The following TPCN1 variants were observed in gnomAD, a reference collection of about 807,000 sequenced individuals.
TPCN1 encodes the protein two pore segment channel 1, also known as two pore channel protein 1.
In TPCN1, 52 loss-of-function variants were observed where a neutral mutation model predicts 108.8. The ratio of observed to expected loss-of-function variants is 0.48; its 90% confidence interval spans 0.38 to 0.60. The LOEUF is 0.60. TPCN1 is among the 20% of genes least tolerant of loss of function. The pLI is 0.00. For missense variants in TPCN1, 806 were observed against 1,072.8 expected (o/e 0.75, Z 3.47); for synonymous variants, 446 against 433.7 (o/e 1.03, Z -0.35).
rs1370914460 is a variant in TPCN1 at position 113,279,335 on chromosome 12, G to A, written c.1297+500G>A. On this transcript the variant is annotated intron_variant, in intron 14 of 27. Coordinates refer to ENST00000335509, the MANE Select transcript of TPCN1 (RefSeq NM_017901.6). ...TATATATATGTGTGTGTGTGTGTGT[G>A]TGTATATATATGTGTGTGTGTGTGT... 1.6e-3 allele frequency among the ~76,000 whole-genome samples: 195 copies of A among 121,828 alleles called. 2 individuals are homozygous for A. The highest frequency in any genetic ancestry group is 6.3e-3 in the African/African-American group (189 of 30,226). 79.9% of individuals were successfully genotyped at this position (121,828 alleles called of 152,430 possible). A position where few individuals can be genotyped will look rare whatever the true frequency, so the allele number is the denominator to read the frequency against.
In TPCN1 at chr12:113,297,499, CACCCGACCCCA is replaced by C. The variant is rs1438116923; in HGVS notation, c.*1424_*1434del. 6.6e-6 allele frequency: 1 copy of C among 152,652 alleles called. No individual in the cohort carries two copies. Among genetic ancestry groups the C allele is most frequent in the Non-Finnish European group, 1.5e-5 (1 of 68,100 alleles). 9.5% of individuals were successfully genotyped at this position (152,652 alleles called of 1,614,324 possible). ...CCCAGCCACAGAACGGGCAGGGTGG[CACCCGACCCCA>C]GGGGAGCAGTACCTGGTCCCCCACC... On this transcript the variant is annotated 3_prime_UTR_variant, in exon 28 of 28. Coordinates refer to ENST00000335509, the MANE Select transcript of TPCN1 (RefSeq NM_017901.6). This position sits in a 1 kb window ranked among gnomAD's most constrained non-coding sequence, Gnocchi z 4.4.
rs772233271 is a variant in TPCN1, at chr12:113,288,325, G to A, written c.1706+91G>A. 190 of 1,582,474 alleles carry A rather than the reference G, an allele frequency of 1.2e-4. No homozygotes were observed. The highest frequency in any genetic ancestry group is 1.6e-4 in the Non-Finnish European group (181 of 1,167,468). The stretch of plus-strand genomic sequence containing the variant: ...GAGCCGAGTGGCAGTCGGGGGAAAG[G>A]AGTTCCACAAAGGACTGCAATCGAG... On this transcript the variant is annotated intron_variant, in intron 20 of 27. Transcript: ENST00000335509. This position sits in a 1 kb window ranked among gnomAD's most constrained non-coding sequence, Gnocchi z 4.8.
At chr12:113,267,698 T>G in intron 4 of TPCN1, 145 bp from the exon 5 acceptor site, 1 of 614,044 alleles carries the variant, frequency 1.6e-6, no homozygotes, top group African/African-American at 1.8e-5. Flanking sequence ...GCTCTGTCTT[T>G]AGGCATGCGA....
At chr12:113,291,706 G>A in intron 24 of TPCN1, 29 bp downstream of exon 24, 1 of 1,609,766 alleles carries the variant, frequency 6.2e-7, no homozygotes, top group Middle Eastern at 1.7e-4. Flanking sequence ...AACGCTCTTT[G>A]TCCTTCGTCT....
In TPCN1 at chr12:113,288,615, C is replaced by CT; in HGVS notation, c.1707-141dup. On this transcript the variant is annotated intron_variant, in intron 20 of 27. Coordinates refer to ENST00000335509, the MANE Select transcript of TPCN1 (RefSeq NM_017901.6). This position sits in a 1 kb window ranked among gnomAD's most constrained non-coding sequence, Gnocchi z 4.8. ...ACCCCAGAGCTGCCCCACGAGGCCCCTTCCCCGCAGGCACTTTCCAGTTGG... is the reference window on the plus strand; with the variant it reads ...ACCCCAGAGCTGCCCCACGAGGCCCCTTTCCCCGCAGGCACTTTCCAGTTGG... 6.6e-7 allele frequency: 1 copy of CT among 1,515,690 alleles called. No individual in the cohort carries two copies. Among genetic ancestry groups the CT allele is most frequent in the South Asian group, 1.3e-5 (1 of 79,108 alleles). The allele number at this position is 1,515,690 out of a possible 1,614,324, so 93.9% of individuals were successfully genotyped here.
At chr12:113,282,599 T>A (rs1955926066) in intron 15 of TPCN1, among the ~76,000 whole-genome samples, 2 of 136,832 alleles carry the variant, frequency 1.5e-5, no homozygotes, top group Non-Finnish European at 3.2e-5. Context: ...AAAAAAAAAA[T>A]ACAAAAATTA....
intron 2 of TPCN1, among the ~76,000 whole-genome samples, chr12:113,236,006 T>C (rs1275692771): frequency 2.0e-5 from 3 of 152,118 alleles, no homozygotes; most frequent in Admixed American, 2.0e-4. Flanking sequence ...TAGATCCAAA[T>C]CTTGAGGGTC....
chr12:113,282,693 G>A (rs180708990), intron 15 of TPCN1, among the ~76,000 whole-genome samples: 136 of 150,966 alleles, frequency 9.0e-4, no homozygotes, highest in African/African-American at 3.1e-3. Context: ...GGAGGTTGAG[G>A]CTGCAGTGTG....
intron 24 of TPCN1, 45 bp downstream of exon 24, chr12:113,291,722 A>G: frequency 1.3e-6 from 2 of 1,599,566 alleles, no homozygotes; most frequent in Non-Finnish European, 8.6e-7. Flanking sequence ...CGTCTTCCAC[A>G]TCACCAGCTG....
At chr12:113,244,214 A>T in intron 2 of TPCN1, 1 of 678,170 alleles carries the variant, frequency 1.5e-6, no homozygotes, top group Non-Finnish European at 1.8e-6. Flanking sequence ...CCCTCCCTCT[A>T]GAACAGGGCT....
At chr12:113,258,724 T>C (rs1954910862) in intron 2 of TPCN1, among the ~76,000 whole-genome samples, 1 of 152,108 alleles carries the variant, frequency 6.6e-6, no homozygotes. Flanking sequence ...AAGACTGCAA[T>C]GAGCCATGCT....
chr12:113,297,888 A>C lies in TPCN1; in HGVS notation c.*1812A>C, dbSNP rs1478170482. 6.6e-6 allele frequency: 1 copy of C among 152,168 alleles called. No homozygotes were observed. Among genetic ancestry groups the C allele is most frequent in the Non-Finnish European group, 1.5e-5 (1 of 68,046 alleles). 9.4% of individuals were successfully genotyped at this position (152,168 alleles called of 1,614,324 possible). The stretch of plus-strand genomic sequence containing the variant: ...GCGTTTTGGAAGCAAGGGTCAGGGG[A>C]CAGCTTCTAAAGGTGTGAGTCTCTG... On this transcript the variant is annotated 3_prime_UTR_variant, in exon 28 of 28. Transcript: ENST00000335509. This position sits in a 1 kb window ranked among gnomAD's most constrained non-coding sequence, Gnocchi z 4.4.
intron 2 of TPCN1, among the ~76,000 whole-genome samples, chr12:113,239,128 G>T (rs910318173): frequency 2.0e-5 from 3 of 152,154 alleles, no homozygotes; most frequent in African/African-American, 7.2e-5. Flanking sequence ...GTAAGACCCT[G>T]TCTCTAGAAA....
intron 4 of TPCN1, 76 bp from the exon 5 acceptor site, chr12:113,267,767 C>T: frequency 3.0e-6 from 3 of 997,900 alleles, no homozygotes; most frequent in South Asian, 1.3e-5. Flanking sequence ...ACTCCCAGGT[C>T]CTGGGAGGGT....
rs181106941 is a variant in TPCN1, at chr12:113,244,838, C to G, written c.113-15530C>G. On this transcript the variant is annotated intron_variant, in intron 2 of 27. Transcript: ENST00000335509. Reference sequence around the variant, plus strand: ...AAACTGAGGCTCTGGGGATTAAGATCGTGAACTGTGGGGAGTGGAGGAGGC... The same window carrying G: ...AAACTGAGGCTCTGGGGATTAAGATGGTGAACTGTGGGGAGTGGAGGAGGC... 39 of 894,048 alleles carry G rather than the reference C, an allele frequency of 4.4e-5. No homozygotes were observed. The South Asian group carries it at 1.1e-3, about 25-fold the overall frequency. 55.4% of individuals were successfully genotyped at this position (894,048 alleles called of 1,614,324 possible). A position where few individuals can be genotyped will look rare whatever the true frequency, so the allele number is the denominator to read the frequency against.
At chr12:113,258,194 C>T (rs548078729) in intron 2 of TPCN1, among the ~76,000 whole-genome samples, 2 of 152,308 alleles carry the variant, frequency 1.3e-5, no homozygotes, top group South Asian at 2.1e-4. Flanking sequence ...TGGCCAGGCA[C>T]GATGGCTCAC....
chr12:113,277,434 TG>T, intron 12 of TPCN1, 70 bp downstream of exon 12: 11 of 1,595,414 alleles, frequency 6.9e-6, no homozygotes, highest in Non-Finnish European at 9.4e-6. Flanking sequence ...AACGGGGGCA[TG>T]TGAAGGCCCT....
chr12:113,245,492 T>A (rs1339293329), intron 2 of TPCN1, among the ~76,000 whole-genome samples: 1 of 143,154 alleles, frequency 7.0e-6, no homozygotes, highest in Admixed American at 7.0e-5. Context: ...TCCCAGCTAC[T>A]CGGGAGGCTG....
chr12:113,286,011 C>T (rs1036350825), intron 18 of TPCN1, 50 bp downstream of exon 18: 2 of 1,499,840 alleles, frequency 1.3e-6, no homozygotes, highest in Non-Finnish European at 9.3e-7. Context: ...TTGAGGATGG[C>T]CCCAGACCCT....
Sources: gnomAD v4.1 joint callset for allele counts (sites outside exome capture counted in the v4.1 genomes callset) on GRCh38, gnomAD v4.1.1 for gene constraint, Gnocchi (gnomAD v3.1) non-coding constraint, MANE v1.5 for transcripts, NCBI Gene and HGNC (gene_info 2026-07-23, HGNC 2026-07-21) for gene names.